MKLN1: variants seen among roughly 807,000 people sequenced by gnomAD.
MKLN1 encodes muskelin.
Under a neutral mutation model 99.0 loss-of-function variants are expected in MKLN1, and 18 were observed. The ratio of observed to expected loss-of-function variants is 0.18; its 90% CI spans 0.13 to 0.27. The LOEUF (loss-of-function observed/expected upper bound fraction) is 0.27. Ranked by LOEUF, MKLN1 falls within the 10% of genes least tolerant of loss-of-function variation. The pLI is 1.00. For missense variants in MKLN1, 621 were observed against 875.9 expected, an observed-to-expected ratio of 0.71 and a Z score of 3.67; for synonymous variants, 288 against 293.2, an observed-to-expected ratio of 0.98 and a Z score of 0.18.
At chr7:131,205,330 ATTTCT>A (rs1164770538) in intron 3 of MKLN1, among the ~76,000 whole-genome samples, 2 of 152,138 alleles carry the variant, frequency 1.3e-5, no homozygotes, top group Admixed American at 6.5e-5. Context: ...AATGTAATAC[ATTTCT>A]TTTCTGTTGA....
intron 1 of MKLN1, among the ~76,000 whole-genome samples, chr7:131,138,071 A>C (rs947798347): frequency 1.3e-5 from 2 of 151,946 alleles, no homozygotes; most frequent in African/African-American, 2.4e-5. Flanking sequence ...GATTAAAGGC[A>C]TGTGCCACCA....
chr7:131,164,187 C>A (rs142536900), intron 2 of MKLN1, among the ~76,000 whole-genome samples: 4 of 152,336 alleles, frequency 2.6e-5, no homozygotes, highest in Non-Finnish European at 5.9e-5. Flanking sequence ...TCTAAGCTCA[C>A]TGCAACCTCT....
At chr7:131,427,152 T>C (rs766123725) in intron 8 of MKLN1, among the ~76,000 whole-genome samples, 22 of 152,212 alleles carry the variant, frequency 1.4e-4, no homozygotes, top group Non-Finnish European at 2.8e-4. Flanking sequence ...CCTGTTCTTA[T>C]CCAGAAAGCA....
intron 3 of MKLN1, among the ~76,000 whole-genome samples, chr7:131,297,741 G>A (rs1249740254): frequency 6.6e-6 from 1 of 152,118 alleles, no homozygotes; most frequent in Non-Finnish European, 1.5e-5. Context: ...AGGGTAAATT[G>A]TTTTTAGCTG....
intron 3 of MKLN1, among the ~76,000 whole-genome samples, chr7:131,299,270 C>A (rs1798340746): frequency 6.6e-6 from 1 of 152,174 alleles, no homozygotes; most frequent in African/African-American, 2.4e-5. Context: ...ATACACTCAA[C>A]TACTGTTTTT....
chr7:131,215,831 C>A (rs967812518), intron 3 of MKLN1, among the ~76,000 whole-genome samples: 7 of 152,120 alleles, frequency 4.6e-5, no homozygotes, highest in South Asian at 2.1e-4. Flanking sequence ...CCCCATCATT[C>A]CTTCATGTAA....
At chr7:131,228,793 C>T (rs1166465366) in intron 3 of MKLN1, among the ~76,000 whole-genome samples, 1 of 152,206 alleles carries the variant, frequency 6.6e-6, no homozygotes, top group African/African-American at 2.4e-5. Context: ...TTAACACAAC[C>T]TTCCTTGATA....
At chr7:131,334,978 C>G (rs534721912) in intron 1 of MKLN1, among the ~76,000 whole-genome samples, 1 of 152,224 alleles carries the variant, frequency 6.6e-6, no homozygotes, top group East Asian at 1.9e-4. Context: ...TTTATAGGTT[C>G]AATCTTAGGA....
intron 2 of MKLN1, among the ~76,000 whole-genome samples, chr7:131,171,464 C>CT (rs111266777): frequency 3.0e-4 from 44 of 148,846 alleles, no homozygotes; most frequent in African/African-American, 6.4e-4. Context: ...ATTTTTCTTT[C>CT]TTTTTTTTTT....
chr7:131,183,041 T>C (rs1181368658), intron 2 of MKLN1, among the ~76,000 whole-genome samples: 4 of 152,130 alleles, frequency 2.6e-5, no homozygotes, highest in Non-Finnish European at 5.9e-5. Context: ...CAGCATCAGG[T>C]GGATGTGGAG....
intron 3 of MKLN1, among the ~76,000 whole-genome samples, chr7:131,253,170 C>T (rs1797607956): frequency 6.6e-6 from 1 of 152,164 alleles, no homozygotes; most frequent in Non-Finnish European, 1.5e-5. Context: ...TCTACTAAAT[C>T]CTGGTAAGAA....
At chr7:131,251,488 C>T (rs988630140) in intron 3 of MKLN1, among the ~76,000 whole-genome samples, 44 of 152,066 alleles carry the variant, frequency 2.9e-4, no homozygotes, top group African/African-American at 1.0e-3. Flanking sequence ...ATTGTAATGA[C>T]TGTTGGGACT....
At chr7:131,270,048 C>T (rs370290826) in intron 3 of MKLN1, among the ~76,000 whole-genome samples, 20 of 151,956 alleles carry the variant, frequency 1.3e-4, no homozygotes, top group East Asian at 5.8e-4. Flanking sequence ...CTCAGCCTCC[C>T]GAGTAGCTGG....
At chr7:131,439,900 AC>A (rs1452661087) in intron 10 of MKLN1, among the ~76,000 whole-genome samples, 1 of 121,592 alleles carries the variant, frequency 8.2e-6, no homozygotes, top group Non-Finnish European at 1.7e-5. Flanking sequence ...ACACACACAC[AC>A]ACACACACAC....
intron 3 of MKLN1, among the ~76,000 whole-genome samples, chr7:131,285,918 T>C (rs1277563870): frequency 3.3e-5 from 5 of 152,024 alleles, no homozygotes; most frequent in African/African-American, 1.2e-4. Context: ...CTTGGGATCA[T>C]GCCTTATTCT....
intron 2 of MKLN1, among the ~76,000 whole-genome samples, chr7:131,172,143 T>G (rs1796224470): frequency 6.6e-6 from 1 of 151,908 alleles, no homozygotes; most frequent in Non-Finnish European, 1.5e-5. Context: ...TTATTTTATT[T>G]TATATATACT....
chr7:131,179,929 G>A (rs1796355677), intron 2 of MKLN1, among the ~76,000 whole-genome samples: 1 of 151,822 alleles, frequency 6.6e-6, no homozygotes, highest in Non-Finnish European at 1.5e-5. Context: ...GTCTCGCTCT[G>A]TCATCCAGGC....
intron 3 of MKLN1, among the ~76,000 whole-genome samples, chr7:131,219,434 G>A (rs1797030359): frequency 6.6e-6 from 1 of 152,088 alleles, no homozygotes; most frequent in South Asian, 2.1e-4. Flanking sequence ...TCTCTCCAAG[G>A]CACAGAGAAG....
In MKLN1 at chr7:131,444,605, G is replaced by A. The variant is rs530518344; in HGVS notation, c.1395+903G>A. Among the ~76,000 whole-genome samples the A allele has an allele frequency of 4.6e-4, 70 of 151,690 alleles. 1 individual carries two copies. In the South Asian group the frequency reaches 0.014, roughly 31 times the overall value. ...TATATCTTTTCTTTTTACCCCGACT[G>A]GAGCGCAGATCGTAGCTCACTACAG... On this transcript the variant is annotated intron_variant, in intron 11 of 17. Transcript: ENST00000352689.
Sources: gnomAD v4.1 joint callset for allele counts (sites outside exome capture counted in the v4.1 genomes callset) on GRCh38, gnomAD v4.1.1 for gene constraint, MANE v1.5 for transcripts, NCBI Gene and HGNC (gene_info 2026-07-23, HGNC 2026-07-21) for gene names.